Variants in INO80 observed in about 807,000 individuals in gnomAD.
INO80 encodes the protein INO80 complex ATPase subunit.
INO80 carries 20 observed loss-of-function variants against 203.4 expected under a neutral mutation model. The ratio of observed to expected loss-of-function variants is 0.10; its 90% CI spans 0.07 to 0.14. INO80 has a LOEUF of 0.14. Among genes scored for constraint, INO80 ranks in the 10% least tolerant of loss-of-function variants. The pLI is 1.00. For missense variants in INO80, 1,419 were observed against 1,914.4 expected, an observed-to-expected ratio of 0.74 and a Z score of 4.83; for synonymous variants, 726 against 685.2, an observed-to-expected ratio of 1.06 and a Z score of -0.93.
At chr15:41,111,894 G>A (rs564741729) in intron 1 of INO80, among the ~76,000 whole-genome samples, 1 of 151,998 alleles carries the variant, frequency 6.6e-6, no homozygotes, top group South Asian at 2.1e-4. Context: ...AGCCGTCCAA[G>A]ATACATTAAA....
At chr15:41,099,789 A>C (rs2045780908) in intron 1 of INO80, among the ~76,000 whole-genome samples, 2 of 152,054 alleles carry the variant, frequency 1.3e-5, no homozygotes, top group African/African-American at 2.4e-5. Flanking sequence ...AAAAAAAAAA[A>C]AACTTTAAAT....
intron 14 of INO80, among the ~76,000 whole-genome samples, chr15:41,065,604 A>G (rs2045197323): frequency 6.6e-6 from 1 of 152,212 alleles, no homozygotes; most frequent in Non-Finnish European, 1.5e-5. Context: ...TACTACTCAC[A>G]ACAGCCAAAA....
chr15:40,985,148 G>C (rs1470426886), intron 32 of INO80, among the ~76,000 whole-genome samples, 190 bp downstream of exon 32: 1 of 152,142 alleles, frequency 6.6e-6, no homozygotes, highest in Non-Finnish European at 1.5e-5. Flanking sequence ...TTTGTGTGGA[G>C]AGTACAGATC....
At chr15:41,095,373 AGCAT>A (rs2045707615) in intron 4 of INO80, among the ~76,000 whole-genome samples, 1 of 152,218 alleles carries the variant, frequency 6.6e-6, no homozygotes, top group African/African-American at 2.4e-5. Context: ...TCTGGTCTCA[AGCAT>A]TTCAGATTAG....
intron 35 of INO80, among the ~76,000 whole-genome samples, chr15:40,980,835 T>C (rs1242622356): frequency 6.6e-6 from 1 of 152,178 alleles, no homozygotes; most frequent in Non-Finnish European, 1.5e-5. Context: ...TGATAAGATG[T>C]TTCCTTTTCA....
At chr15:41,109,110 T>G (rs1217066098) in intron 1 of INO80, 2 of 156,616 alleles carry the variant, frequency 1.3e-5, no homozygotes, top group African/African-American at 4.8e-5. Context: ...AAAATTATCT[T>G]TGCCAGCATT....
At chr15:41,074,596 A>C (rs2045375055) in intron 9 of INO80, 31 bp from the exon 10 acceptor site, 2 of 1,489,852 alleles carry the variant, frequency 1.3e-6, no homozygotes, top group South Asian at 2.4e-5. Flanking sequence ...AAACAGAGCC[A>C]AATTATCAAT....
At chr15:41,005,844 C>T (rs921299740) in intron 27 of INO80, among the ~76,000 whole-genome samples, 157 bp from the exon 28 acceptor site, 1 of 151,564 alleles carries the variant, frequency 6.6e-6, no homozygotes, top group East Asian at 1.9e-4. Flanking sequence ...AGAAGTTAAT[C>T]TGTAAATGAG....
chr15:41,031,240 C>G (rs1356086581), intron 24 of INO80, among the ~76,000 whole-genome samples: 1 of 151,922 alleles, frequency 6.6e-6, no homozygotes, highest in Non-Finnish European at 1.5e-5. Context: ...TATCCAATTT[C>G]CCTTCATGTA....
At chr15:41,080,094 G>A (rs1428595147) in intron 8 of INO80, among the ~76,000 whole-genome samples, 190 bp from the exon 9 acceptor site, 1 of 152,036 alleles carries the variant, frequency 6.6e-6, no homozygotes. Flanking sequence ...GGTATTATCA[G>A]GGATAAGAAA....
chr15:41,083,751 C>T (rs958367946), intron 7 of INO80, among the ~76,000 whole-genome samples: 8 of 151,734 alleles, frequency 5.3e-5, no homozygotes, highest in Non-Finnish European at 1.2e-4. Flanking sequence ...ACACTATAAC[C>T]TCCATAGTTT....
At chr15:41,015,663 T>A (rs1174366981) in intron 27 of INO80, among the ~76,000 whole-genome samples, 1 of 150,292 alleles carries the variant, frequency 6.7e-6, no homozygotes, top group Admixed American at 6.7e-5. Flanking sequence ...GGGCTGCGTG[T>A]GGTGGCTCAT....
intron 24 of INO80, among the ~76,000 whole-genome samples, chr15:41,037,500 T>C (rs1486046145): frequency 6.6e-6 from 1 of 151,882 alleles, no homozygotes; most frequent in Admixed American, 6.6e-5. Flanking sequence ...CAAGACTCCA[T>C]CTCCAAAAAA....
intron 29 of INO80, among the ~76,000 whole-genome samples, chr15:40,992,526 A>C (rs1008869474): frequency 6.6e-6 from 1 of 152,244 alleles, no homozygotes; most frequent in Non-Finnish European, 1.5e-5. Context: ...TAGGTTGATT[A>C]ATCTCTTCCT....
intron 28 of INO80, chr15:41,004,892 T>C (rs2044015133): frequency 6.6e-6 from 1 of 152,144 alleles, no homozygotes; most frequent in Non-Finnish European, 1.5e-5. Flanking sequence ...AAGTCATTAC[T>C]CAGAAAGTGC....
chr15:41,027,785 T>C, intron 24 of INO80, 49 bp from the exon 25 acceptor site: 1 of 1,456,536 alleles, frequency 6.9e-7, no homozygotes. Flanking sequence ...ATGTTTAATG[T>C]AAGCAAAATG....
At chr15:41,074,246 T>A in intron 10 of INO80, 124 bp downstream of exon 10, 1 of 575,576 alleles carries the variant, frequency 1.7e-6, no homozygotes, top group Non-Finnish European at 2.9e-6. Flanking sequence ...TCCAGTACAA[T>A]AAATCTCTCT....
At chr15:41,016,002 A>ATTAAT (rs1174746026) in intron 27 of INO80, 86 bp downstream of exon 27, 6 of 1,082,168 alleles carry the variant, frequency 5.5e-6, no homozygotes, top group Middle Eastern at 2.1e-4. Flanking sequence ...GGCTCCCATT[A>ATTAAT]AGCAGGACTA....
intron 26 of INO80, among the ~76,000 whole-genome samples, chr15:41,019,952 T>G (rs1395615486): frequency 1.3e-5 from 2 of 152,220 alleles, no homozygotes; most frequent in African/African-American, 4.8e-5. Flanking sequence ...CCGGGCGCGG[T>G]GGCTCACGCC....
Sources: allele counts gnomAD v4.1 joint callset (sites outside exome capture counted in the v4.1 genomes callset), GRCh38; gene constraint gnomAD v4.1.1; transcripts MANE v1.5; gene names NCBI Gene and HGNC (gene_info 2026-07-23, HGNC 2026-07-21).